The following MGAT4C variants were observed in gnomAD, a reference collection of about 807,000 sequenced individuals.
The protein encoded by MGAT4C is alpha-1,3-mannosyl-glycoprotein 4-beta-N-acetylglucosaminyltransferase C.
Under a neutral mutation model 40.1 loss-of-function variants are expected in MGAT4C, and 19 were observed. The observed-to-expected ratio is 0.47, with a 90% CI of 0.33 to 0.70. The LOEUF is 0.70. MGAT4C is among the 30% of genes least tolerant of loss of function. The probability of loss-of-function intolerance (pLI) is 0.02; values close to 1 mark genes in which losing one functional copy is unlikely to be tolerated. For missense variants in MGAT4C, 491 were observed against 563.2 expected (o/e 0.87, Z 1.30); for synonymous variants, 181 against 187.1 (o/e 0.97, Z 0.27).
At chr12:86,567,747 C>T (rs1252440247) in intron 2 of MGAT4C, among the ~76,000 whole-genome samples, 1 of 152,124 alleles carries the variant, frequency 6.6e-6, no homozygotes, top group African/African-American at 2.4e-5. Flanking sequence ...ACCACGTGAC[C>T]AGTTGCAGAA....
chr12:86,576,335 G>A (rs1181888929), intron 2 of MGAT4C, among the ~76,000 whole-genome samples: 1 of 151,586 alleles, frequency 6.6e-6, no homozygotes, highest in Non-Finnish European at 1.5e-5. Flanking sequence ...TTTTAATCTG[G>A]TGTGATTCCA....
At chr12:86,620,518 A>G (rs1962601396) in intron 2 of MGAT4C, among the ~76,000 whole-genome samples, 1 of 152,204 alleles carries the variant, frequency 6.6e-6, no homozygotes, top group Admixed American at 6.5e-5. Context: ...AACAATGTGT[A>G]CACATGGATA....
chr12:86,070,584 T>A (rs938637536), intron 1 of MGAT4C, among the ~76,000 whole-genome samples: 1 of 152,038 alleles, frequency 6.6e-6, no homozygotes, highest in Non-Finnish European at 1.5e-5. Context: ...GATCTGAAAT[T>A]TGTACAGGTG....
intron 1 of MGAT4C, among the ~76,000 whole-genome samples, chr12:86,809,430 A>T (rs1593227772): frequency 6.6e-6 from 1 of 151,970 alleles, no homozygotes; most frequent in Non-Finnish European, 1.5e-5. Flanking sequence ...TATAGTAATT[A>T]TATGTTTACT....
At chr12:86,344,717 GGTGTGTGTGTGT>G (rs71076188) in intron 3 of MGAT4C, among the ~76,000 whole-genome samples, 12,393 of 139,484 alleles carry the variant, frequency 0.089, 706 homozygotes, top group Middle Eastern at 0.22. Context: ...ATCTCTTCTC[GGTGTGTGTGTGT>G]GTGTGTGTGT....
At chr12:86,017,517 A>G (rs1889218549) in intron 2 of MGAT4C, among the ~76,000 whole-genome samples, 1 of 152,190 alleles carries the variant, frequency 6.6e-6, no homozygotes, top group Non-Finnish European at 1.5e-5. Context: ...CATAATAAAT[A>G]TAAATATCTT....
chr12:86,342,718 C>T (rs908188578), intron 3 of MGAT4C, among the ~76,000 whole-genome samples: 4 of 152,066 alleles, frequency 2.6e-5, no homozygotes, highest in Non-Finnish European at 4.4e-5. Context: ...GGATTACAGG[C>T]GTGAGCCACT....
At chr12:86,562,832 A>T (rs1403209229) in intron 2 of MGAT4C, among the ~76,000 whole-genome samples, 2 of 152,166 alleles carry the variant, frequency 1.3e-5, no homozygotes, top group Non-Finnish European at 2.9e-5. Flanking sequence ...AAGTTGCATC[A>T]AATTGAATTT....
At chr12:86,542,014 C>A (rs1003737300) in intron 2 of MGAT4C, among the ~76,000 whole-genome samples, 1 of 152,162 alleles carries the variant, frequency 6.6e-6, no homozygotes, top group Non-Finnish European at 1.5e-5. Context: ...ACATTTGAGC[C>A]TTTATAAGTG....
intron 2 of MGAT4C, among the ~76,000 whole-genome samples, chr12:86,643,329 C>T (rs1470778196): frequency 2.0e-5 from 3 of 151,772 alleles, no homozygotes; most frequent in Admixed American, 1.3e-4. Context: ...TTGGGGGACA[C>T]ATTCAAATCA....
chr12:86,487,600 G>T (rs1958043812), intron 2 of MGAT4C, among the ~76,000 whole-genome samples: 1 of 152,122 alleles, frequency 6.6e-6, no homozygotes, highest in Non-Finnish European at 1.5e-5. Flanking sequence ...AATGTCTGAA[G>T]ATTTTCTATT....
At chr12:86,409,165 G>A in intron 3 of MGAT4C, among the ~76,000 whole-genome samples, 1 of 152,066 alleles carries the variant, frequency 6.6e-6, no homozygotes. Flanking sequence ...CTAGAAATTA[G>A]TTAATGAAAA....
At chr12:86,776,918 C>T in intron 1 of MGAT4C, among the ~76,000 whole-genome samples, 1 of 151,872 alleles carries the variant, frequency 6.6e-6, no homozygotes, top group East Asian at 1.9e-4. Flanking sequence ...TGGCTATTAT[C>T]AATGCAACAT....
chr12:86,186,752 T>A (rs1247443121), intron 1 of MGAT4C, among the ~76,000 whole-genome samples: 3 of 152,112 alleles, frequency 2.0e-5, no homozygotes, highest in South Asian at 2.1e-4. Flanking sequence ...TTCAAGCTTA[T>A]CATGAGTAGA....
chr12:86,101,718 A>G (rs1313554016), intron 1 of MGAT4C, among the ~76,000 whole-genome samples: 1 of 151,850 alleles, frequency 6.6e-6, no homozygotes, highest in Non-Finnish European at 1.5e-5. Flanking sequence ...TGCTGGTTTG[A>G]GAGAAGTGTA....
intron 4 of MGAT4C, among the ~76,000 whole-genome samples, chr12:86,326,483 A>C (rs1001092367): frequency 6.6e-6 from 1 of 152,178 alleles, no homozygotes; most frequent in Non-Finnish European, 1.5e-5. Flanking sequence ...AAAAAAGAAA[A>C]AAATGAATTA....
Position 86,763,774 on chromosome 12 carries a change from G to A in MGAT4C, c.-261-36533C>T, listed in dbSNP as rs74833195. ...ACTGCAGAATTCCTGACACATAATA[G>A]TTGTTCTATAATTGGTAGTTAAAAT... On this transcript the variant is annotated intron_variant, in intron 1 of 7. Coordinates refer to the MGAT4C transcript ENST00000548651. Among the ~76,000 whole-genome samples the A allele has an allele frequency of 5.6e-3, 850 of 152,148 alleles. 3 individuals carry two copies. The highest frequency in any genetic ancestry group is 0.02 in the African/African-American group (820 of 41,484).
At chr12:86,047,686 A>G (rs11117170) in intron 2 of MGAT4C, among the ~76,000 whole-genome samples, 6,029 of 152,234 alleles carry the variant, frequency 0.04, 144 homozygotes, top group Middle Eastern at 0.068. Flanking sequence ...AGAAATATTC[A>G]TTCCTGAGTG....
intron 2 of MGAT4C, among the ~76,000 whole-genome samples, chr12:86,479,644 A>G (rs565731553): frequency 1.1e-4 from 16 of 152,134 alleles, no homozygotes; most frequent in African/African-American, 3.4e-4. Context: ...GTGAATGACT[A>G]TAGTTATAAA....
Sources: allele counts gnomAD v4.1 joint callset (sites outside exome capture counted in the v4.1 genomes callset), GRCh38; gene constraint gnomAD v4.1.1; transcripts MANE v1.5; gene names NCBI Gene and HGNC (gene_info 2026-07-23, HGNC 2026-07-21).